The following APBA2 variants were observed in gnomAD, a reference collection of about 807,000 sequenced individuals.
The protein encoded by APBA2 is amyloid beta precursor protein binding family A member 2.
Under a neutral mutation model 75.0 loss-of-function variants are expected in APBA2, and 30 were observed. The observed-to-expected ratio is 0.40, with a 90% confidence interval of 0.30 to 0.54. The LOEUF (loss-of-function observed/expected upper bound fraction) is 0.54. APBA2 is among the 20% of genes least tolerant of loss of function. The probability of loss-of-function intolerance (pLI) is 0.49; values close to 1 mark genes in which losing one functional copy is unlikely to be tolerated. For synonymous variants in APBA2, 444 were observed against 409.6 expected, an observed-to-expected ratio of 1.08 and a Z score of -1.01; for missense variants, 801 against 1,016.1, an observed-to-expected ratio of 0.79 and a Z score of 2.88.
intron 4 of APBA2, among the ~76,000 whole-genome samples, chr15:29,062,847 G>T (rs777383115): frequency 2.6e-5 from 4 of 152,162 alleles, no homozygotes; most frequent in Non-Finnish European, 4.4e-5. Flanking sequence ...CTTGGGGCCC[G>T]GGAACATTCT....
At chr15:28,962,618 G>A (rs945720831) in intron 2 of APBA2, among the ~76,000 whole-genome samples, 1 of 151,564 alleles carries the variant, frequency 6.6e-6, no homozygotes, top group Admixed American at 6.6e-5. Context: ...TTGCCATGTT[G>A]CCCAGGCTTG....
intron 13 of APBA2, among the ~76,000 whole-genome samples, chr15:29,110,643 TG>T (rs1265328685): frequency 6.6e-6 from 1 of 152,168 alleles, no homozygotes; most frequent in Non-Finnish European, 1.5e-5. Context: ...CTGGAGAAGC[TG>T]GGGCACACAG....
intron 2 of APBA2, among the ~76,000 whole-genome samples, chr15:28,980,073 T>G (rs116536076): frequency 6.6e-6 from 1 of 152,140 alleles, no homozygotes; most frequent in Non-Finnish European, 1.5e-5. Context: ...AGATGTTCAA[T>G]GTAAATTGTG....
In APBA2 at chr15:29,089,816, T is replaced by A. The variant is rs561688336; in HGVS notation, c.1070-3259T>A. Among the ~76,000 whole-genome samples the A allele has an allele frequency of 9.2e-5, 14 of 152,276 alleles. 1 individual carries two copies. The South Asian group carries it at 1.2e-3, about 14-fold the overall frequency. ...ATACGGTGTGAAAAGGATAAATCAC[T>A]CTCTGGGGAGACAAGATCTTTAAAC... On this transcript the variant is annotated intron_variant, in intron 6 of 14. Transcript: ENST00000683413.
At chr15:28,899,535 T>C (rs2032723012) in intron 1 of APBA2, among the ~76,000 whole-genome samples, 1 of 152,224 alleles carries the variant, frequency 6.6e-6, no homozygotes, top group East Asian at 1.9e-4. Context: ...CCGTGTTGCG[T>C]TGCAGCCGGT....
At chr15:28,990,213 C>A (rs551397507) in intron 2 of APBA2, among the ~76,000 whole-genome samples, 1 of 152,168 alleles carries the variant, frequency 6.6e-6, no homozygotes, top group African/African-American at 2.4e-5. Flanking sequence ...AGTTCAAGAC[C>A]AGCCTGGCCA....
At chr15:29,051,716 G>T (rs2041602683) in intron 3 of APBA2, among the ~76,000 whole-genome samples, 1 of 152,124 alleles carries the variant, frequency 6.6e-6, no homozygotes, top group African/African-American at 2.4e-5. Context: ...TTGGAGCTCT[G>T]GGGGGATACA....
intron 2 of APBA2, among the ~76,000 whole-genome samples, chr15:28,935,728 G>A (rs1167326411): frequency 6.6e-6 from 1 of 152,244 alleles, no homozygotes; most frequent in Admixed American, 6.5e-5. Flanking sequence ...GGTCTCGGCT[G>A]AGGTTACAGG....
intron 4 of APBA2, among the ~76,000 whole-genome samples, chr15:29,060,585 CTGT>C (rs772931968): frequency 6.6e-6 from 1 of 152,094 alleles, no homozygotes; most frequent in Non-Finnish European, 1.5e-5. Flanking sequence ...TTGGCGTGCC[CTGT>C]TGTTCTCAGT....
At chr15:29,071,514 G>A (rs996116772) in intron 4 of APBA2, among the ~76,000 whole-genome samples, 1 of 151,116 alleles carries the variant, frequency 6.6e-6, no homozygotes, top group African/African-American at 2.4e-5. Flanking sequence ...GAGTTGAGGC[G>A]ACCCTGGCTG....
rs201922904 is a variant in APBA2, at chr15:29,093,233, C to T, written c.1215+13C>T. ...CAGCCGGGTCAAGGTAGAGGTGCTT[C>T]GAGGGCCCCTCGCGGATGCCCGCAC... On this transcript the variant is annotated intron_variant, in intron 7 of 14. Transcript: ENST00000683413. 1.5e-4 allele frequency: 235 copies of T among 1,614,074 alleles called. 2 individuals are homozygous for T. The African/African-American group carries it at 2.4e-3, about 17-fold the overall frequency.
intron 6 of APBA2, 29 bp from the exon 7 acceptor site, chr15:29,093,046 G>A: frequency 6.2e-7 from 1 of 1,614,014 alleles, no homozygotes; most frequent in Admixed American, 1.7e-5. Context: ...TCTCCTCTAG[G>A]AAGACTCTGA....
chr15:29,105,584 G>A (rs755360042), intron 11 of APBA2, 26 bp downstream of exon 11: 34 of 1,611,962 alleles, frequency 2.1e-5, no homozygotes, highest in Admixed American at 3.3e-5. Flanking sequence ...CAGCCTCAGG[G>A]AGGCCACATT....
At chr15:28,971,969 G>A (rs1396829944) in intron 2 of APBA2, among the ~76,000 whole-genome samples, 1 of 152,104 alleles carries the variant, frequency 6.6e-6, no homozygotes, top group Non-Finnish European at 1.5e-5. Context: ...TGAAATGTAA[G>A]TAATAGGCAA....
intron 3 of APBA2, among the ~76,000 whole-genome samples, chr15:29,038,147 G>A (rs950853600): frequency 1.3e-5 from 2 of 152,244 alleles, no homozygotes; most frequent in Middle Eastern, 3.4e-3. Flanking sequence ...TGCTGTGCTT[G>A]CCAGCTCTGT....
At chr15:29,050,317 G>C (rs2041534538) in intron 3 of APBA2, among the ~76,000 whole-genome samples, 1 of 152,140 alleles carries the variant, frequency 6.6e-6, no homozygotes, top group Non-Finnish European at 1.5e-5. Flanking sequence ...CCATTTTATA[G>C]ATACAAAAGA....
intron 13 of APBA2, among the ~76,000 whole-genome samples, chr15:29,113,057 G>A (rs1274234750): frequency 6.6e-6 from 1 of 152,192 alleles, no homozygotes; most frequent in Non-Finnish European, 1.5e-5. Flanking sequence ...GCTGAGTACT[G>A]TTTCCCTGCA....
chr15:28,968,772 A>G (rs2036875984), intron 2 of APBA2, among the ~76,000 whole-genome samples: 1 of 152,162 alleles, frequency 6.6e-6, no homozygotes, highest in Non-Finnish European at 1.5e-5. Flanking sequence ...GCAGGCCCTA[A>G]TCCAGCATGC....
chr15:29,028,983 TTTTGCTGTGCAGA>T (rs2040358255), intron 3 of APBA2, among the ~76,000 whole-genome samples: 3 of 152,228 alleles, frequency 2.0e-5, no homozygotes, highest in Non-Finnish European at 4.4e-5. Context: ...TGATAGTTTC[TTTTGCTGTGCAGA>T]AGCTCTTTAG....
Sources: gnomAD v4.1 joint callset for allele counts (sites outside exome capture counted in the v4.1 genomes callset) on GRCh38, gnomAD v4.1.1 for gene constraint, MANE v1.5 for transcripts, NCBI Gene and HGNC (gene_info 2026-07-23, HGNC 2026-07-21) for gene names.